The following TMED5 variants were observed in gnomAD, a reference collection of about 807,000 sequenced individuals.
TMED5 encodes transmembrane p24 trafficking protein 5.
In TMED5, 27 loss-of-function variants were observed where a neutral mutation model predicts 23.0. That is an observed-to-expected ratio of 1.17 (90% CI 0.86 to 1.62). TMED5 has a LOEUF of 1.62. TMED5 is among the 40% of genes most tolerant of loss of function. The pLI, the probability that TMED5 is intolerant of heterozygous loss-of-function variation, is 0.00. For synonymous variants in TMED5, 97 were observed against 100.8 expected (o/e 0.96, Z 0.23); for missense variants, 248 against 273.7 (o/e 0.91, Z 0.66).
At chr1:93,179,379 A>G (rs902069626) in intron 1 of TMED5, among the ~76,000 whole-genome samples, 1 of 152,124 alleles carries the variant, frequency 6.6e-6, no homozygotes, top group Non-Finnish European at 1.5e-5. Context: ...AAAAAAAAAA[A>G]AAAAAACAAT....
At chr1:93,171,784 A>C (rs773760685) in intron 1 of TMED5, among the ~76,000 whole-genome samples, 18 of 152,232 alleles carry the variant, frequency 1.2e-4, no homozygotes, top group Non-Finnish European at 2.6e-4. Context: ...AGTATCTCTT[A>C]GGAACACAGA....
chr1:93,168,989 T>G lies in TMED5; in HGVS notation c.190-8763A>C, dbSNP rs531791152. On this transcript the variant is annotated intron_variant, in intron 1 of 3. Transcript: ENST00000370282. ...AGCCACAAGAAGAAACAGAAAATCATTACTATAGCTGGAGACTGCGACATC... is the reference window on the plus strand; with the variant it reads ...AGCCACAAGAAGAAACAGAAAATCAGTACTATAGCTGGAGACTGCGACATC... 3.3e-5 allele frequency among the ~76,000 whole-genome samples: 5 copies of G among 152,296 alleles called. No homozygotes were observed. In the East Asian group the frequency reaches 9.6e-4, roughly 29 times the overall value.
intron 1 of TMED5, among the ~76,000 whole-genome samples, chr1:93,167,161 T>C (rs1478358998): frequency 6.6e-6 from 1 of 152,250 alleles, no homozygotes; most frequent in Non-Finnish European, 1.5e-5. Flanking sequence ...TTGGTTACTA[T>C]ATCTCTGTAG....
intron 1 of TMED5, among the ~76,000 whole-genome samples, chr1:93,170,976 A>G (rs1327067583): frequency 6.6e-6 from 1 of 152,142 alleles, no homozygotes; most frequent in Non-Finnish European, 1.5e-5. Context: ...AGAGAATTAA[A>G]GCAGGCTGCC....
intron 1 of TMED5, among the ~76,000 whole-genome samples, chr1:93,173,703 A>C (rs1341917435): frequency 1.3e-5 from 2 of 152,252 alleles, no homozygotes; most frequent in Admixed American, 6.5e-5. Context: ...AGGAAAACAA[A>C]TTAAGCCTGA....
At chr1:93,170,603 G>GAGGAGTGC (rs541406497) in intron 1 of TMED5, among the ~76,000 whole-genome samples, 69 of 152,366 alleles carry the variant, frequency 4.5e-4, no homozygotes, top group African/African-American at 1.6e-3. Flanking sequence ...CCCAAGGGCT[G>GAGGAGTGC]AGGAGTGCAG....
At chr1:93,170,745 A>G (rs2783494) in intron 1 of TMED5, among the ~76,000 whole-genome samples, 125,920 of 152,126 alleles carry the variant, frequency 0.83, 52,334 homozygotes, top group East Asian at 1. Context: ...GATTTTAAAT[A>G]CACCAATCAG....
chr1:93,177,322 T>A (rs896573879), intron 1 of TMED5, among the ~76,000 whole-genome samples: 1 of 152,114 alleles, frequency 6.6e-6, no homozygotes, highest in African/African-American at 2.4e-5. Flanking sequence ...CTCACACCTA[T>A]AATCCCAGCA....
rs1647963897 is a variant in TMED5 at position 93,153,791 on chromosome 1, GTTAAAA to G, written c.*873_*878del. ...ATGAATTATCCAAGTCAGCAATCATGTTAAAATTAACATAACATGATTATTAACTGT... is the reference window on the plus strand; with the variant it reads ...ATGAATTATCCAAGTCAGCAATCATGTTAACATAACATGATTATTAACTGT... On this transcript the variant is annotated 3_prime_UTR_variant, in exon 4 of 4. Coordinates refer to ENST00000370282, the MANE Select transcript of TMED5 (RefSeq NM_016040.5). The G allele has an allele frequency of 6.6e-6, 1 of 152,040 alleles. No individual in the cohort carries two copies. Among genetic ancestry groups the G allele is most frequent in the African/African-American group, 2.4e-5 (1 of 41,422 alleles). The allele number at this position is 152,040 out of a possible 1,614,324, so 9.4% of individuals were successfully genotyped here.
chr1:93,158,009 A>T (rs1648135195), intron 2 of TMED5, among the ~76,000 whole-genome samples: 1 of 151,724 alleles, frequency 6.6e-6, no homozygotes, highest in Non-Finnish European at 1.5e-5. Flanking sequence ...CTGTAGTCCC[A>T]GCTACTCAGG....
Position 93,156,414 on chromosome 1 carries a change from C to T in TMED5, c.357G>A (p.Val119=). The T allele has an allele frequency of 6.2e-7, 1 of 1,613,916 alleles. No individual in the cohort carries two copies. The highest frequency in any genetic ancestry group is 8.5e-7 in the Non-Finnish European group (1 of 1,179,924). The change falls in exon 3 of 4, where the codon GTG becomes GTA. Residue 119 remains valine (V), a synonymous_variant. Coordinates refer to ENST00000370282, the MANE Select transcript of TMED5 (RefSeq NM_016040.5). ...DNTFSTISEK[V]IFFELILDNM... ...TATCCAGGATTAATTCAAAGAAAAT[C>T]ACCTTCTCAGAAATGGTGCTGAATG...
intron 1 of TMED5, among the ~76,000 whole-genome samples, chr1:93,177,005 C>A (rs1383618366): frequency 2.0e-5 from 3 of 152,028 alleles, no homozygotes; most frequent in South Asian, 4.2e-4. Flanking sequence ...AGTCAATTAT[C>A]CAAAAAGTAT....
chr1:93,156,987 C>T (rs1194240695), intron 2 of TMED5, among the ~76,000 whole-genome samples: 1 of 152,030 alleles, frequency 6.6e-6, no homozygotes, highest in Non-Finnish European at 1.5e-5. Context: ...TTGGCATTTA[C>T]TCAGTAAATT....
chr1:93,172,645 C>T (rs542530117), intron 1 of TMED5, among the ~76,000 whole-genome samples: 1 of 152,122 alleles, frequency 6.6e-6, no homozygotes, highest in Non-Finnish European at 1.5e-5. Context: ...CAAATTAGTA[C>T]ATTGTTGGTG....
At chr1:93,155,061 A>G (rs1648015247) in intron 3 of TMED5, among the ~76,000 whole-genome samples, 173 bp from the exon 4 acceptor site, 1 of 152,128 alleles carries the variant, frequency 6.6e-6, no homozygotes, top group African/African-American at 2.4e-5. Context: ...CAACACAGAC[A>G]GACTCTGCCT....
chr1:93,177,938 C>T (rs1294324813), intron 1 of TMED5, among the ~76,000 whole-genome samples: 1 of 152,138 alleles, frequency 6.6e-6, no homozygotes, highest in Non-Finnish European at 1.5e-5. Context: ...TATAAGAGGA[C>T]AGTAGTTAAA....
chr1:93,174,137 G>GT (rs1311852787), intron 1 of TMED5, among the ~76,000 whole-genome samples: 1 of 151,676 alleles, frequency 6.6e-6, no homozygotes, highest in African/African-American at 2.4e-5. Flanking sequence ...TTTGTTTTTT[G>GT]TTTTTTCTTT....
At chr1:93,161,671 G>C (rs1003986055) in intron 1 of TMED5, 10 of 151,256 alleles carry the variant, frequency 6.6e-5, no homozygotes, top group Non-Finnish European at 3.0e-5. Flanking sequence ...ACTCTCTCTT[G>C]TATTACTACA....
intron 1 of TMED5, 120 bp downstream of exon 1, chr1:93,179,934 T>A: frequency 1.8e-6 from 2 of 1,142,080 alleles, no homozygotes; most frequent in Non-Finnish European, 1.2e-6. Flanking sequence ...GCTGGCTTCC[T>A]GAACGGCCCT....
Sources: gnomAD v4.1 joint callset for allele counts (sites outside exome capture counted in the v4.1 genomes callset) on GRCh38, gnomAD v4.1.1 for gene constraint, MANE v1.5 for transcripts, NCBI Gene and HGNC (gene_info 2026-07-23, HGNC 2026-07-21) for gene names.